Variants in MYT1L observed in about 807,000 individuals in gnomAD.
MYT1L encodes the protein myelin transcription factor 1-like protein.
MYT1L carries 12 observed loss-of-function variants against 126.7 expected under a neutral mutation model. The observed-to-expected ratio is 0.09, with a 90% CI of 0.06 to 0.15. The LOEUF (loss-of-function observed/expected upper bound fraction) is 0.15. Ranked by LOEUF, MYT1L falls within the 10% of genes least tolerant of loss-of-function variation. The pLI is 1.00. For synonymous variants in MYT1L, 541 were observed against 604.2 expected (o/e 0.90, Z 1.53); for missense variants, 979 against 1,585.2 (o/e 0.62, Z 6.49).
intron 1 of MYT1L, among the ~76,000 whole-genome samples, chr2:2,308,626 C>T (rs982355832): frequency 2.7e-5 from 4 of 150,802 alleles, no homozygotes; most frequent in Non-Finnish European, 5.9e-5. Flanking sequence ...CTTATACTTC[C>T]GTATAACCTA....
chr2:1,873,089 C>T (rs138505189), intron 18 of MYT1L, among the ~76,000 whole-genome samples: 2 of 152,360 alleles, frequency 1.3e-5, no homozygotes, highest in East Asian at 3.9e-4. Flanking sequence ...ACAGGTGCTG[C>T]TGACGGGTGG....
At chr2:2,216,307 G>A (rs1559363059) in intron 2 of MYT1L, among the ~76,000 whole-genome samples, 1 of 152,140 alleles carries the variant, frequency 6.6e-6, no homozygotes, top group Non-Finnish European at 1.5e-5. Flanking sequence ...ACTCATACAA[G>A]TACATGTTTC....
intron 21 of MYT1L, among the ~76,000 whole-genome samples, chr2:1,821,834 C>T (rs2038578249): frequency 6.6e-6 from 1 of 152,228 alleles, no homozygotes; most frequent in Non-Finnish European, 1.5e-5. Context: ...GCCTGTCCAT[C>T]TCACTTGACG....
In MYT1L at chr2:2,208,649, G is replaced by T. The variant is rs187624735; in HGVS notation, c.-420-35661C>A. Among the ~76,000 whole-genome samples the T allele has an allele frequency of 7.9e-4, 120 of 152,218 alleles. 1 individual carries two copies. Among genetic ancestry groups the T allele is most frequent in the African/African-American group, 2.8e-3 (118 of 41,542 alleles). The stretch of plus-strand genomic sequence containing the variant: ...TAAATAACCTTTTTTCTTCTGAAAG[G>T]TATGAAGAATGTTTTAAAAGTGAGA... On this transcript the variant is annotated intron_variant, in intron 2 of 24. Transcript: ENST00000647738.
intron 2 of MYT1L, among the ~76,000 whole-genome samples, chr2:2,237,290 C>T (rs911979035): frequency 2.0e-5 from 3 of 152,148 alleles, no homozygotes; most frequent in African/African-American, 7.2e-5. Flanking sequence ...TGATAACCAG[C>T]ACTTTTCACA....
intron 8 of MYT1L, among the ~76,000 whole-genome samples, chr2:1,978,148 A>G (rs150812162): frequency 3.0e-4 from 45 of 152,288 alleles, no homozygotes; most frequent in African/African-American, 1.0e-3. Flanking sequence ...CTAAAGAACA[A>G]TCAAAATAAT....
At chr2:2,267,002 A>G (rs907448570) in intron 2 of MYT1L, among the ~76,000 whole-genome samples, 1 of 152,196 alleles carries the variant, frequency 6.6e-6, no homozygotes, top group Non-Finnish European at 1.5e-5. Context: ...CCAGCAAGCT[A>G]AGGAGTACGT....
chr2:1,871,669 C>T (rs1299904093), intron 18 of MYT1L, among the ~76,000 whole-genome samples: 4 of 152,204 alleles, frequency 2.6e-5, no homozygotes, highest in African/African-American at 9.7e-5. Context: ...CAGCTGCTCC[C>T]CAGGCTCTCA....
chr2:1,986,015 A>C (rs369135577), intron 5 of MYT1L, among the ~76,000 whole-genome samples: 1 of 152,222 alleles, frequency 6.6e-6, no homozygotes, highest in Non-Finnish European at 1.5e-5. Flanking sequence ...AGCCTTTTGA[A>C]TACAGGAAAA....
intron 1 of MYT1L, among the ~76,000 whole-genome samples, chr2:2,310,215 A>C (rs781080844): frequency 6.6e-6 from 1 of 151,952 alleles, no homozygotes; most frequent in Non-Finnish European, 1.5e-5. Context: ...TACTGTACCC[A>C]TACTCCAGTT....
At chr2:2,053,008 CACAGTAGCTGAAAG>C (rs1293834526) in intron 4 of MYT1L, among the ~76,000 whole-genome samples, 1 of 152,208 alleles carries the variant, frequency 6.6e-6, no homozygotes, top group Admixed American at 6.5e-5. Flanking sequence ...GAGCATAATT[CACAGTAGCTGAAAG>C]GTGGAGGCAG....
At chr2:2,193,050 C>CCTCCTGCCTCAGTGATT (rs894740468) in intron 2 of MYT1L, among the ~76,000 whole-genome samples, 5 of 152,114 alleles carry the variant, frequency 3.3e-5, no homozygotes, top group Non-Finnish European at 7.4e-5. Flanking sequence ...GCAACCTCTG[C>CCTCCTGCCTCAGTGATT]CTCCTGCCTC....
chr2:2,027,119 C>A (rs545769553), intron 4 of MYT1L, among the ~76,000 whole-genome samples: 1 of 152,214 alleles, frequency 6.6e-6, no homozygotes, highest in African/African-American at 2.4e-5. Flanking sequence ...AACCCCCCAT[C>A]GCCGCTGCCG....
chr2:1,921,179 T>A (rs1206463338), intron 10 of MYT1L, among the ~76,000 whole-genome samples: 1 of 152,226 alleles, frequency 6.6e-6, no homozygotes. Context: ...GGATTCGTAG[T>A]GAATAGAATG....
intron 2 of MYT1L, among the ~76,000 whole-genome samples, chr2:2,181,302 C>A (rs745624878): frequency 6.6e-6 from 1 of 152,042 alleles, no homozygotes; most frequent in Non-Finnish European, 1.5e-5. Flanking sequence ...GTGTGTGTAC[C>A]TATGTGTCTG....
At chr2:2,214,051 C>G (rs2148925269) in intron 2 of MYT1L, among the ~76,000 whole-genome samples, 1 of 151,712 alleles carries the variant, frequency 6.6e-6, no homozygotes. Flanking sequence ...GATGAAAATG[C>G]ACTGTACATG....
chr2:2,087,156 C>T (rs1025841634), intron 3 of MYT1L, among the ~76,000 whole-genome samples: 3 of 152,176 alleles, frequency 2.0e-5, no homozygotes, highest in Non-Finnish European at 4.4e-5. Flanking sequence ...CCTGCCGCTG[C>T]CTTCAGTTTC....
intron 3 of MYT1L, among the ~76,000 whole-genome samples, chr2:2,145,571 T>G (rs1012426522): frequency 6.6e-6 from 1 of 151,012 alleles, no homozygotes; most frequent in African/African-American, 2.4e-5. Context: ...GTAAAAAGGG[T>G]AGAAGATGGT....
chr2:2,300,216 G>A (rs942870296), intron 1 of MYT1L, among the ~76,000 whole-genome samples: 1 of 152,208 alleles, frequency 6.6e-6, no homozygotes, highest in Non-Finnish European at 1.5e-5. Flanking sequence ...ATATGTTTAT[G>A]AAAACACATA....
Sources: gnomAD v4.1 joint callset for allele counts (sites outside exome capture counted in the v4.1 genomes callset) on GRCh38, gnomAD v4.1.1 for gene constraint, MANE v1.5 for transcripts, NCBI Gene and HGNC (gene_info 2026-07-23, HGNC 2026-07-21) for gene names.